Variants in ADGRL3 observed in about 807,000 individuals in gnomAD.
ADGRL3 encodes calcium-independent alpha-latrotoxin receptor 3.
In ADGRL3, 62 loss-of-function variants were observed where a neutral mutation model predicts 153.5. The observed-to-expected ratio is 0.40, with a 90% CI of 0.33 to 0.50. The LOEUF (loss-of-function observed/expected upper bound fraction) is 0.50, where lower values mean the gene tolerates loss of function less well. Ranked by LOEUF, ADGRL3 falls within the 20% of genes least tolerant of loss-of-function variation. The pLI is 0.47. For synonymous variants in ADGRL3, 710 were observed against 672.5 expected (o/e 1.06, Z -0.86); for missense variants, 1,641 against 1,859.4 (o/e 0.88, Z 2.16).
chr4:61,399,024 A>G (rs1370842495), intron 2 of ADGRL3, among the ~76,000 whole-genome samples: 5 of 151,752 alleles, frequency 3.3e-5, no homozygotes, highest in African/African-American at 1.2e-4. Context: ...GAATTTATTC[A>G]TATATTCTAA....
intron 8 of ADGRL3, among the ~76,000 whole-genome samples, chr4:61,808,792 C>CTTTT (rs79256517): frequency 0.037 from 4,796 of 128,728 alleles, 129 homozygotes; most frequent in East Asian, 0.11. Context: ...AGAAATCGGG[C>CTTTT]TTTTTTTTTT....
chr4:61,280,753 A>G (rs1185856248), intron 1 of ADGRL3, among the ~76,000 whole-genome samples: 1 of 152,198 alleles, frequency 6.6e-6, no homozygotes, highest in Non-Finnish European at 1.5e-5. Context: ...GCATATTTTA[A>G]TAGCAAGATA....
At chr4:61,602,248 T>C (rs60655392) in intron 5 of ADGRL3, among the ~76,000 whole-genome samples, 3,280 of 152,168 alleles carry the variant, frequency 0.022, 92 homozygotes, top group East Asian at 0.12. Flanking sequence ...GAAAAGCCTC[T>C]TTATCCCTAC....
At chr4:61,725,061 C>T (rs1459644492) in intron 6 of ADGRL3, among the ~76,000 whole-genome samples, 1 of 152,088 alleles carries the variant, frequency 6.6e-6, no homozygotes, top group Non-Finnish European at 1.5e-5. Flanking sequence ...TTTGAAAATA[C>T]CATAGTGCCA....
At chr4:62,028,726 A>T in intron 21 of ADGRL3, 129 bp from the exon 22 acceptor site, 1 of 619,512 alleles carries the variant, frequency 1.6e-6, no homozygotes, top group South Asian at 2.3e-5. Context: ...GATATAAAGG[A>T]TAATGATTTC....
chr4:61,594,206 C>T (rs2098980373), intron 5 of ADGRL3, among the ~76,000 whole-genome samples: 1 of 152,100 alleles, frequency 6.6e-6, no homozygotes, highest in Non-Finnish European at 1.5e-5. Flanking sequence ...AATTCCTTCT[C>T]TTTGCTATCT....
At chr4:61,506,417 G>A (rs2098429066) in intron 3 of ADGRL3, among the ~76,000 whole-genome samples, 1 of 152,076 alleles carries the variant, frequency 6.6e-6, no homozygotes, top group African/African-American at 2.4e-5. Flanking sequence ...CAGTGTGACA[G>A]TTTCTCTAAT....
At chr4:61,846,360 C>T (rs1339853192) in intron 9 of ADGRL3, among the ~76,000 whole-genome samples, 2 of 151,518 alleles carry the variant, frequency 1.3e-5, no homozygotes, top group East Asian at 1.9e-4. Flanking sequence ...TAAAAAGTTA[C>T]ACATATTCAT....
At chr4:62,003,282 G>T (rs772117999) in intron 21 of ADGRL3, among the ~76,000 whole-genome samples, 6 of 152,116 alleles carry the variant, frequency 3.9e-5, no homozygotes, top group Non-Finnish European at 7.4e-5. Flanking sequence ...TTTTATATGA[G>T]TGATAGGTTG....
intron 2 of ADGRL3, among the ~76,000 whole-genome samples, chr4:61,472,515 AAAG>A (rs1257443034): frequency 3.3e-5 from 5 of 152,062 alleles, no homozygotes; most frequent in African/African-American, 1.2e-4. Context: ...ACCATACAAA[AAAG>A]AAGATGTCTA....
At chr4:61,956,654 G>GT (rs2150411798) in intron 17 of ADGRL3, among the ~76,000 whole-genome samples, 1 of 152,230 alleles carries the variant, frequency 6.6e-6, no homozygotes, top group East Asian at 1.9e-4. Context: ...TGGTTCTGGG[G>GT]TTTTTGTGGT....
At chr4:61,600,468 C>T (rs528236155) in intron 5 of ADGRL3, among the ~76,000 whole-genome samples, 46 of 152,130 alleles carry the variant, frequency 3.0e-4, no homozygotes, top group South Asian at 6.2e-4. Flanking sequence ...GATACTTATG[C>T]GTGATCTGTA....
intron 2 of ADGRL3, among the ~76,000 whole-genome samples, chr4:61,453,696 A>G (rs2097701623): frequency 6.6e-6 from 1 of 152,100 alleles, no homozygotes; most frequent in Non-Finnish European, 1.5e-5. Context: ...CCTACCTAGT[A>G]CCTCAAGCTT....
chr4:61,300,644 G>A (rs1384878696), intron 1 of ADGRL3, among the ~76,000 whole-genome samples: 2 of 152,182 alleles, frequency 1.3e-5, no homozygotes, highest in Non-Finnish European at 2.9e-5. Flanking sequence ...AGAGTGTGTG[G>A]ATGAATGAGA....
rs1376818237 is a variant in ADGRL3 at position 61,968,751 on chromosome 4, A to G, written c.2806-10812A>G. The stretch of plus-strand genomic sequence containing the variant: ...CTATTAATATTGTGTAAAGATGTAC[A>G]GGACATTTAATAGGTAAGAACTGTT... On this transcript the variant is annotated intron_variant, in intron 17 of 26. Coordinates refer to ENST00000683033, the MANE Select transcript of ADGRL3 (RefSeq NM_001387552.1). Among the ~76,000 whole-genome samples the G allele has an allele frequency of 3.3e-5, 5 of 152,194 alleles. 1 individual carries two copies. The highest frequency in any genetic ancestry group is 6.6e-5 in the Admixed American group (1 of 15,252).
chr4:61,212,132 A>T (rs1447096051), intron 1 of ADGRL3: 1 of 152,212 alleles, frequency 6.6e-6, no homozygotes, highest in Admixed American at 6.5e-5. Context: ...TAAAACCAGA[A>T]GTGGAGATTG....
chr4:61,652,110 T>C (rs2094281574), intron 5 of ADGRL3, among the ~76,000 whole-genome samples: 1 of 151,990 alleles, frequency 6.6e-6, no homozygotes, highest in Non-Finnish European at 1.5e-5. Context: ...CTGGAAAAAA[T>C]GTGTAAGAGA....
intron 7 of ADGRL3, among the ~76,000 whole-genome samples, chr4:61,731,239 C>A (rs1426775365): frequency 6.6e-6 from 1 of 151,882 alleles, no homozygotes; most frequent in African/African-American, 2.4e-5. Flanking sequence ...CTTGTTATTT[C>A]TCTAAAAGTA....
At chr4:61,397,216 C>T (rs990149740) in intron 2 of ADGRL3, among the ~76,000 whole-genome samples, 1 of 151,740 alleles carries the variant, frequency 6.6e-6, no homozygotes, top group Non-Finnish European at 1.5e-5. Context: ...AACATTGCCT[C>T]TTTTTCCTGT....
Sources: allele counts gnomAD v4.1 joint callset (sites outside exome capture counted in the v4.1 genomes callset), GRCh38; gene constraint gnomAD v4.1.1; transcripts MANE v1.5; gene names NCBI Gene and HGNC (gene_info 2026-07-23, HGNC 2026-07-21).